Variants in LRRC7 observed in about 807,000 individuals in gnomAD.
LRRC7 encodes the protein leucine rich repeat containing 7.
LRRC7 carries 23 observed loss-of-function variants against 175.7 expected under a neutral mutation model. The observed-to-expected ratio is 0.13, with a 90% CI of 0.09 to 0.19. LRRC7 has a LOEUF of 0.19. Among genes scored for constraint, LRRC7 ranks in the 10% least tolerant of loss-of-function variants. The pLI is 1.00. For missense variants in LRRC7, 1,354 were observed against 1,904.7 expected (o/e 0.71, Z 5.38); for synonymous variants, 685 against 680.9 (o/e 1.01, Z -0.09).
chr1:69,615,155 G>A (rs1055547778), intron 1 of LRRC7, among the ~76,000 whole-genome samples: 8 of 151,930 alleles, frequency 5.3e-5, no homozygotes, highest in Non-Finnish European at 7.4e-5. Context: ...CACTTATGTA[G>A]GAAACACTCT....
intron 23 of LRRC7, among the ~76,000 whole-genome samples, chr1:70,059,506 TG>T (rs1661412475): frequency 6.6e-6 from 1 of 151,680 alleles, no homozygotes; most frequent in Non-Finnish European, 1.5e-5. Context: ...TGTGTGTGTG[TG>T]TGTGTGTGTG....
intron 10 of LRRC7, among the ~76,000 whole-genome samples, chr1:69,991,509 G>T (rs1043997107): frequency 1.3e-5 from 2 of 152,124 alleles, no homozygotes; most frequent in Non-Finnish European, 2.9e-5. Context: ...GATTCTAAAT[G>T]TAGAGTAGCT....
rs199605184 is a variant in LRRC7, at chr1:70,112,800, A to AAGG, written c.4620+4991_4620+4993dup. Among the ~76,000 whole-genome samples, 1,273 of 151,946 alleles carry AAGG rather than the reference A, an allele frequency of 8.4e-3. 12 individuals are homozygous for AAGG. The highest frequency in any genetic ancestry group is 0.029 in the African/African-American group (1,194 of 41,432). ...GTTCCTCCAGGCTTAACAGAAAGAA[A>AAGG]AGGAGGAGGAGGAGGAGGAATATCT... On this transcript the variant is annotated intron_variant, in intron 26 of 26. Transcript: ENST00000651989.
Position 70,060,333 on chromosome 1 carries a change from CA to C in LRRC7, c.4230+7197del, listed in dbSNP as rs113146410. Among the ~76,000 whole-genome samples, 1,396 of 148,664 alleles carry C rather than the reference CA, an allele frequency of 9.4e-3. 17 individuals are homozygous for C. The highest frequency in any genetic ancestry group is 0.033 in the African/African-American group (1,297 of 39,806). On this transcript the variant is annotated intron_variant, in intron 23 of 26. Transcript: ENST00000651989. ...GAGCAAAACTCCAACCCCACCCCCC[CA>C]AAAAAAAATCATTAAATTACAGTCA...
chr1:69,707,070 T>G (rs1664126622), intron 2 of LRRC7, among the ~76,000 whole-genome samples: 1 of 151,972 alleles, frequency 6.6e-6, no homozygotes, highest in Non-Finnish European at 1.5e-5. Context: ...GTCTTTAAGT[T>G]GAGCAATAAG....
At chr1:69,655,219 A>G (rs1225314063) in intron 1 of LRRC7, among the ~76,000 whole-genome samples, 2 of 151,864 alleles carry the variant, frequency 1.3e-5, no homozygotes, top group East Asian at 1.9e-4. Flanking sequence ...AAGACAGTTG[A>G]TAAGTTATGG....
Position 70,134,772 on chromosome 1 carries a change from T to C in LRRC7, c.*12885T>C, listed in dbSNP as rs1369440796. ...AGCCTGCCAATTTTAGTGCACCATT[T>C]TGGGTTTGTTTACCAAGTGTTCTTC... On this transcript the variant is annotated 3_prime_UTR_variant, in exon 27 of 27. Transcript: ENST00000651989. Among the ~76,000 whole-genome samples the C allele has an allele frequency of 6.6e-6, 1 of 152,244 alleles. No individual in the cohort carries two copies. Among genetic ancestry groups the C allele is most frequent in the African/African-American group, 2.4e-5 (1 of 41,472 alleles).
chr1:69,943,805 A>G (rs1164713226), intron 8 of LRRC7, among the ~76,000 whole-genome samples: 1 of 152,086 alleles, frequency 6.6e-6, no homozygotes, highest in African/African-American at 2.4e-5. Flanking sequence ...GACAGATCAG[A>G]TATCAGGAAT....
At chr1:69,953,888 C>T (rs1033746276) in intron 8 of LRRC7, among the ~76,000 whole-genome samples, 1 of 151,994 alleles carries the variant, frequency 6.6e-6, no homozygotes, top group Non-Finnish European at 1.5e-5. Context: ...TGTATTTTAT[C>T]AAATTCTCTA....
intron 25 of LRRC7, among the ~76,000 whole-genome samples, chr1:70,104,103 CTTGTTGTTTGGAAGTTA>C (rs939308356): frequency 8.5e-5 from 13 of 152,112 alleles, no homozygotes; most frequent in African/African-American, 3.1e-4. Flanking sequence ...AAGTTGGCTT[CTTGTTGTTTGGAAGTTA>C]GGAGATAGCT....
At chr1:70,115,258 C>A (rs897770086) in intron 26 of LRRC7, among the ~76,000 whole-genome samples, 2 of 152,158 alleles carry the variant, frequency 1.3e-5, no homozygotes, top group African/African-American at 2.4e-5. Flanking sequence ...ACTGGACAAC[C>A]AATTGCTGGG....
chr1:70,036,767 G>C (rs1040793370), intron 20 of LRRC7, 143 bp downstream of exon 20: 3 of 802,810 alleles, frequency 3.7e-6, no homozygotes, highest in African/African-American at 3.5e-5. Context: ...AATGTTGTTC[G>C]CCTGGGACTG....
chr1:69,568,508 C>T lies in LRRC7; in HGVS notation c.-132C>T. 1 of 768,366 alleles carries T rather than the reference C, an allele frequency of 1.3e-6. No homozygotes were observed. The highest frequency in any genetic ancestry group is 1.9e-6 in the Non-Finnish European group (1 of 529,412). 47.6% of individuals were successfully genotyped at this position (768,366 alleles called of 1,614,324 possible). A position where few individuals can be genotyped will look rare whatever the true frequency, so the allele number is the denominator to read the frequency against. On this transcript the variant is annotated 5_prime_UTR_variant, in exon 1 of 27. Coordinates refer to ENST00000651989, the MANE Select transcript of LRRC7 (RefSeq NM_001370785.2). ...TCTCCTGTTCTTCCTACCTTCTACT[C>T]CTTCCCTCCTCTTCTCCTCCGAAGA...
At chr1:70,063,048 C>G (rs1661700638) in intron 23 of LRRC7, among the ~76,000 whole-genome samples, 1 of 151,982 alleles carries the variant, frequency 6.6e-6, no homozygotes, top group Admixed American at 6.6e-5. Flanking sequence ...TTCCTAATAC[C>G]AGTACAACAA....
intron 4 of LRRC7, among the ~76,000 whole-genome samples, chr1:69,796,146 G>T (rs1376730222): frequency 4.3e-4 from 52 of 120,422 alleles, no homozygotes; most frequent in African/African-American, 1.7e-3. Context: ...AGTCCCTGGT[G>T]TGTGATGTTC....
chr1:69,894,338 C>T (rs1224460399), intron 7 of LRRC7, among the ~76,000 whole-genome samples: 1 of 152,200 alleles, frequency 6.6e-6, no homozygotes, highest in Non-Finnish European at 1.5e-5. Context: ...GGCAGTGTGA[C>T]TCTCGCCTTG....
chr1:69,836,378 G>C (rs948265956), intron 6 of LRRC7, among the ~76,000 whole-genome samples: 1 of 151,886 alleles, frequency 6.6e-6, no homozygotes. Flanking sequence ...TGCCTTTCTG[G>C]TACTGACCAC....
intron 3 of LRRC7, among the ~76,000 whole-genome samples, chr1:69,773,475 GA>G (rs1258710606): frequency 6.6e-5 from 10 of 152,142 alleles, no homozygotes; most frequent in Non-Finnish European, 1.0e-4. Flanking sequence ...GAGGGTGAGA[GA>G]GTGGGGTACA....
At chr1:69,664,048 T>C (rs1231495862) in intron 1 of LRRC7, among the ~76,000 whole-genome samples, 1 of 152,182 alleles carries the variant, frequency 6.6e-6, no homozygotes, top group East Asian at 1.9e-4. Flanking sequence ...AGTGTGAGCA[T>C]GTAAAGTTTG....
Sources: gnomAD v4.1 joint callset for allele counts (sites outside exome capture counted in the v4.1 genomes callset) on GRCh38, gnomAD v4.1.1 for gene constraint, MANE v1.5 for transcripts, NCBI Gene and HGNC (gene_info 2026-07-23, HGNC 2026-07-21) for gene names.